Variants in RBMS1 observed in about 807,000 individuals in gnomAD.
RBMS1 encodes the protein RNA-binding motif, single-stranded-interacting protein 1.
Under a neutral mutation model 62.3 loss-of-function variants are expected in RBMS1, and 17 were observed. The ratio of observed to expected loss-of-function variants is 0.27; its 90% CI spans 0.19 to 0.41. The LOEUF is 0.41. RBMS1 is among the 10% of genes least tolerant of loss of function. The pLI, the probability that RBMS1 is intolerant of heterozygous loss-of-function variation, is 1.00. For synonymous variants in RBMS1, 172 were observed against 170.0 expected (o/e 1.01, Z -0.09); for missense variants, 334 against 504.5 (o/e 0.66, Z 3.24).
At chr2:160,356,936 CA>C in intron 2 of RBMS1, among the ~76,000 whole-genome samples, 1 of 152,170 alleles carries the variant, frequency 6.6e-6, no homozygotes. Context: ...TTACACATTA[CA>C]CAGAATTTTT....
intron 1 of RBMS1, among the ~76,000 whole-genome samples, chr2:160,438,043 C>T (rs1683186049): frequency 6.6e-6 from 1 of 152,170 alleles, no homozygotes; most frequent in Non-Finnish European, 1.5e-5. Flanking sequence ...GCCTTAGGGT[C>T]CTCCTGTTCC....
chr2:160,429,152 T>C (rs556636476), intron 1 of RBMS1, among the ~76,000 whole-genome samples: 34 of 152,372 alleles, frequency 2.2e-4, no homozygotes, highest in African/African-American at 7.7e-4. Context: ...CAAAATATAA[T>C]AGTTTTTATT....
At chr2:160,450,576 AAAAC>A (rs1164279171) in intron 1 of RBMS1, among the ~76,000 whole-genome samples, 5 of 150,124 alleles carry the variant, frequency 3.3e-5, no homozygotes, top group African/African-American at 4.9e-5. Flanking sequence ...AAAAAAAAAA[AAAAC>A]AAAAAACATT....
At position 160,465,888 on chromosome 2, in the gene RBMS1, A is replaced by ACACACACACACT. The variant is rs569580064; in HGVS notation, c.75+27400_75+27401insAGTGTGTGTGTG. 9.2e-3 allele frequency among the ~76,000 whole-genome samples: 1,343 copies of ACACACACACACT among 145,308 alleles called. 9 individuals carry two copies. The highest frequency in any genetic ancestry group is 0.016 in the Admixed American group (238 of 14,516). ...CATACACACACACACACACACACACACTCTCACATTTCTAGAATTTCAATC... is the reference window on the plus strand; with the variant it reads ...CATACACACACACACACACACACACACACACACACACTCTCTCACATTTCTAGAATTTCAATC... On this transcript the variant is annotated intron_variant, in intron 1 of 13. Coordinates refer to ENST00000348849, the MANE Select transcript of RBMS1 (RefSeq NM_016836.4).
chr2:160,311,224 C>CATA (rs71297446), intron 4 of RBMS1, among the ~76,000 whole-genome samples: 1 of 56,632 alleles, frequency 1.8e-5, no homozygotes. Context: ...ATCTATCTAT[C>CATA]TATCTATCTA....
At chr2:160,389,698 C>CAAAAAAAAA (rs61570926) in intron 1 of RBMS1, among the ~76,000 whole-genome samples, 3 of 50,378 alleles carry the variant, frequency 6.0e-5, no homozygotes, top group African/African-American at 8.7e-5. Flanking sequence ...ACTCTTGTCT[C>CAAAAAAAAA]AAAAAAAAAA....
intron 1 of RBMS1, among the ~76,000 whole-genome samples, chr2:160,408,094 C>G (rs1695862368): frequency 6.6e-6 from 1 of 151,194 alleles, no homozygotes; most frequent in African/African-American, 2.4e-5. Flanking sequence ...AGCCGGCGCC[C>G]CCGCTCTGGT....
chr2:160,368,673 C>G (rs541743145), intron 1 of RBMS1, among the ~76,000 whole-genome samples: 1 of 152,288 alleles, frequency 6.6e-6, no homozygotes, highest in East Asian at 1.9e-4. Flanking sequence ...GAGTCTCGCT[C>G]TGTCACCCAG....
chr2:160,484,002 CTTT>C (rs5835810), intron 1 of RBMS1, among the ~76,000 whole-genome samples: 77 of 131,566 alleles, frequency 5.9e-4, no homozygotes, highest in Admixed American at 6.0e-4. Flanking sequence ...GGATAAAATT[CTTT>C]TTTTTTTTTT....
chr2:160,360,212 C>A (rs1041951428), intron 2 of RBMS1, among the ~76,000 whole-genome samples: 3 of 152,128 alleles, frequency 2.0e-5, no homozygotes, highest in African/African-American at 7.2e-5. Context: ...CAGGGAGATG[C>A]TGGAGTTTTG....
chr2:160,358,875 C>T (rs961347592), intron 2 of RBMS1, among the ~76,000 whole-genome samples: 4 of 151,702 alleles, frequency 2.6e-5, no homozygotes, highest in Admixed American at 1.3e-4. Flanking sequence ...TTTCTTTCCT[C>T]GACCCTCAAA....
chr2:160,282,016 T>C, intron 9 of RBMS1: 1 of 328,258 alleles, frequency 3.0e-6, no homozygotes, highest in Admixed American at 3.9e-5. Flanking sequence ...GAGAAATAGA[T>C]GTGAGAGTCA....
intron 1 of RBMS1, among the ~76,000 whole-genome samples, chr2:160,415,015 A>C (rs1696163284): frequency 6.6e-6 from 1 of 152,162 alleles, no homozygotes; most frequent in African/African-American, 2.4e-5. Context: ...TAAGTAAACT[A>C]TTTGGGATAC....
chr2:160,359,282 T>C (rs1300968621), intron 2 of RBMS1, among the ~76,000 whole-genome samples: 1 of 152,212 alleles, frequency 6.6e-6, no homozygotes, highest in East Asian at 1.9e-4. Context: ...ATGCAGGCAA[T>C]GAAACCTTTG....
chr2:160,455,234 A>T (rs1419942694), intron 1 of RBMS1, among the ~76,000 whole-genome samples: 5 of 152,214 alleles, frequency 3.3e-5, no homozygotes, highest in Admixed American at 6.5e-5. Flanking sequence ...ACCTGAGCTG[A>T]TGCTTTATAA....
At chr2:160,439,186 CG>C (rs1361190304) in intron 1 of RBMS1, among the ~76,000 whole-genome samples, 1 of 149,850 alleles carries the variant, frequency 6.7e-6, no homozygotes, top group South Asian at 2.1e-4. Flanking sequence ...GCTGGCCGGA[CG>C]GGGGGCTGAC....
intron 3 of RBMS1, among the ~76,000 whole-genome samples, chr2:160,314,912 A>G (rs1690126911): frequency 6.6e-6 from 1 of 152,202 alleles, no homozygotes; most frequent in African/African-American, 2.4e-5. Flanking sequence ...ACACACAGGC[A>G]TGTACATGCA....
At position 160,274,609 on chromosome 2, in the gene RBMS1, T is replaced by C. The variant is rs1687734591; in HGVS notation, c.*163A>G. Reference sequence around the variant, plus strand: ...AGGGTTTTATGCACCTTATAGAACTTATAGCAAAAATAGTTTTAGTTGATT... The same window carrying C: ...AGGGTTTTATGCACCTTATAGAACTCATAGCAAAAATAGTTTTAGTTGATT... On this transcript the variant is annotated 3_prime_UTR_variant, in exon 14 of 14. Transcript: ENST00000348849. 6.6e-6 allele frequency: 1 copy of C among 152,244 alleles called. No individual in the cohort carries two copies. Among genetic ancestry groups the C allele is most frequent in the South Asian group, 2.1e-4 (1 of 4,804 alleles). 9.4% of individuals were successfully genotyped at this position (152,244 alleles called of 1,614,324 possible).
At chr2:160,287,624 T>C (rs1028200891) in intron 6 of RBMS1, among the ~76,000 whole-genome samples, 2 of 152,268 alleles carry the variant, frequency 1.3e-5, no homozygotes, top group African/African-American at 4.8e-5. Context: ...TTCTAGGCTA[T>C]ACGCCCCATG....
Sources: gnomAD v4.1 joint callset for allele counts (sites outside exome capture counted in the v4.1 genomes callset) on GRCh38, gnomAD v4.1.1 for gene constraint, MANE v1.5 for transcripts, NCBI Gene and HGNC (gene_info 2026-07-23, HGNC 2026-07-21) for gene names.